The following STPG2 variants were observed in gnomAD, a reference collection of about 807,000 sequenced individuals.
The protein encoded by STPG2 is sperm tail PG-rich repeat containing 2.
In STPG2, 56 loss-of-function variants were observed where a neutral mutation model predicts 54.2. That is an observed-to-expected ratio of 1.03 (90% CI 0.83 to 1.29). The LOEUF is 1.29. Ranked by LOEUF, STPG2 falls within the 50% of genes most tolerant of loss-of-function variation. The pLI is 0.00. For missense variants in STPG2, 596 were observed against 544.9 expected (o/e 1.09, Z -0.93); for synonymous variants, 200 against 181.8 (o/e 1.10, Z -0.81).
chr4:98,055,146 G>C (rs926173560), intron 5 of STPG2, among the ~76,000 whole-genome samples: 2 of 152,148 alleles, frequency 1.3e-5, no homozygotes. Flanking sequence ...GATTATAGCA[G>C]AGAAACCAAA....
rs34459070 is a variant in STPG2 at position 97,570,560 on chromosome 4, G to GT, written c.1321-11444dup. 7.2e-3 allele frequency among the ~76,000 whole-genome samples: 1,045 copies of GT among 144,840 alleles called. 1 individual carries two copies. Among genetic ancestry groups the GT allele is most frequent in the African/African-American group, 7.9e-3 (316 of 39,892 alleles). ...GTATTCTAGATTTGCAAAAACAAAA[G>GT]TTTTTTTTTTTTTCCTGCCCCCACT... On this transcript the variant is annotated intron_variant, in intron 10 of 10. Transcript: ENST00000295268.
At chr4:97,891,956 T>C (rs1020654964) in intron 8 of STPG2, among the ~76,000 whole-genome samples, 1 of 152,108 alleles carries the variant, frequency 6.6e-6, no homozygotes, top group Non-Finnish European at 1.5e-5. Flanking sequence ...CTATCTGGTA[T>C]GTAGTAGAGG....
At chr4:97,874,726 C>A (rs1730112654) in intron 8 of STPG2, among the ~76,000 whole-genome samples, 1 of 151,774 alleles carries the variant, frequency 6.6e-6, no homozygotes. Context: ...ATGTGCCCCC[C>A]CAAAATTTGT....
intron 1 of STPG2, 150 bp downstream of exon 1, chr4:98,142,892 A>T: frequency 1.4e-6 from 1 of 714,188 alleles, no homozygotes; most frequent in South Asian, 1.6e-5. Flanking sequence ...GTAAAATAAA[A>T]GTATAGTGTT....
intron 8 of STPG2, among the ~76,000 whole-genome samples, chr4:97,866,330 T>C (rs1358006046): frequency 6.6e-6 from 1 of 152,034 alleles, no homozygotes. Context: ...TATTATGCAC[T>C]GTATGCCTGT....
chr4:98,080,230 T>A (rs1200377602), intron 5 of STPG2, among the ~76,000 whole-genome samples: 1 of 152,194 alleles, frequency 6.6e-6, no homozygotes, highest in African/African-American at 2.4e-5. Context: ...TCTTATAGTT[T>A]ATAAACTATA....
In STPG2 at chr4:97,454,247, C is replaced by T. The variant is rs572994587; in HGVS notation, c.462+258452G>A. ...AAAAGGGATTCGCCGGGCACGGTGG[C>T]TAACGCCTGTAATCCCAGCACTTTG... is the stretch of plus-strand genomic sequence containing the variant. On this transcript the variant is annotated intron_variant, in intron 4 of 4. Coordinates refer to the STPG2 transcript ENST00000522676. Among the ~76,000 whole-genome samples, 278 of 152,114 alleles carry T rather than the reference C, an allele frequency of 1.8e-3. 1 individual carries two copies. Among genetic ancestry groups the T allele is most frequent in the African/African-American group, 6.4e-3 (265 of 41,518 alleles).
intron 8 of STPG2, among the ~76,000 whole-genome samples, chr4:97,906,798 C>T (rs1023780103): frequency 1.3e-5 from 2 of 152,096 alleles, no homozygotes; most frequent in Non-Finnish European, 2.9e-5. Context: ...CAGAAAAGGC[C>T]TTTGACAAAA....
intron 5 of STPG2, among the ~76,000 whole-genome samples, chr4:97,983,973 G>A (rs1734754524): frequency 6.6e-6 from 1 of 151,808 alleles, no homozygotes; most frequent in Non-Finnish European, 1.5e-5. Flanking sequence ...CATCCCACAA[G>A]GTCCTCTTTC....
chr4:97,985,530 CTG>C (rs1380037624), intron 5 of STPG2, among the ~76,000 whole-genome samples: 1 of 152,174 alleles, frequency 6.6e-6, no homozygotes, highest in Non-Finnish European at 1.5e-5. Context: ...AGAAATGTAT[CTG>C]TCTTTATTCC....
chr4:97,744,859 G>C lies in STPG2; in HGVS notation c.1205-32045C>G, dbSNP rs982733900. Among the ~76,000 whole-genome samples the C allele has an allele frequency of 1.1e-4, 16 of 151,476 alleles. No homozygotes were observed. In the East Asian group the frequency reaches 2.5e-3, roughly 24 times the overall value. Reference sequence around the variant, plus strand: ...AGAAAGTGAAAGAGTGGTTAAGGAAGGACTACTGTATTCAGAAAATTAAAT... The same window carrying C: ...AGAAAGTGAAAGAGTGGTTAAGGAACGACTACTGTATTCAGAAAATTAAAT... On this transcript the variant is annotated intron_variant, in intron 9 of 10. Coordinates refer to ENST00000295268, the MANE Select transcript of STPG2 (RefSeq NM_174952.3).
At chr4:97,578,161 G>A (rs2148888787) in intron 10 of STPG2, among the ~76,000 whole-genome samples, 1 of 145,908 alleles carries the variant, frequency 6.9e-6, no homozygotes, top group East Asian at 2.0e-4. Flanking sequence ...CTGGAGTGCA[G>A]TGCTGTGATC....
intron 5 of STPG2, 24 bp downstream of exon 5, chr4:98,105,929 T>C (rs768922361): frequency 2.2e-5 from 34 of 1,528,124 alleles, no homozygotes; most frequent in Admixed American, 3.7e-5. Flanking sequence ...GGAAAATATA[T>C]GCATTAGCCA....
chr4:98,001,551 T>C (rs878860706), intron 5 of STPG2, among the ~76,000 whole-genome samples: 1 of 151,852 alleles, frequency 6.6e-6, no homozygotes, highest in Non-Finnish European at 1.5e-5. Flanking sequence ...ATTAAACACA[T>C]CCAAATGAAA....
At chr4:97,935,760 T>C (rs960105577) in intron 8 of STPG2, among the ~76,000 whole-genome samples, 7 of 152,198 alleles carry the variant, frequency 4.6e-5, no homozygotes, top group African/African-American at 1.7e-4. Context: ...GTATGATTTC[T>C]GTTCTTTTGC....
rs186729298 is a variant in STPG2 at position 97,906,104 on chromosome 4, C to T, written c.1044+37793G>A. 2.6e-3 allele frequency among the ~76,000 whole-genome samples: 390 copies of T among 151,814 alleles called. 3 individuals carry two copies. Among genetic ancestry groups the T allele is most frequent in the African/African-American group, 8.8e-3 (364 of 41,420 alleles). On this transcript the variant is annotated intron_variant, in intron 8 of 10. Transcript: ENST00000295268. Reference sequence around the variant, plus strand: ...TGGTTTTTTGAAAGGATCAACAAAACTGATAGACCGCTAGCAAGACTAATA... The same window carrying T: ...TGGTTTTTTGAAAGGATCAACAAAATTGATAGACCGCTAGCAAGACTAATA...
At chr4:97,452,879 C>T (rs987821514) in intron 4 of STPG2, among the ~76,000 whole-genome samples, 5 of 152,196 alleles carry the variant, frequency 3.3e-5, no homozygotes, top group African/African-American at 9.6e-5. Context: ...GGAGCTATCC[C>T]CTGTGGGTCT....
chr4:98,134,318 TAAGTC>T (rs566794954), intron 2 of STPG2, 24 bp downstream of exon 2: 1 of 1,348,366 alleles, frequency 7.4e-7, no homozygotes. Context: ...ATGGTTTTAT[TAAGTC>T]AATTATAGTA....
At chr4:97,811,474 T>C (rs1727739032) in intron 9 of STPG2, among the ~76,000 whole-genome samples, 1 of 152,166 alleles carries the variant, frequency 6.6e-6, no homozygotes, top group Non-Finnish European at 1.5e-5. Flanking sequence ...AATAAAATTA[T>C]TTTATTTAAA....
Sources: gnomAD v4.1 joint callset for allele counts (sites outside exome capture counted in the v4.1 genomes callset) on GRCh38, gnomAD v4.1.1 for gene constraint, MANE v1.5 for transcripts, NCBI Gene and HGNC (gene_info 2026-07-23, HGNC 2026-07-21) for gene names.